VPS13C: variants seen among roughly 807,000 people sequenced by gnomAD.
VPS13C encodes vacuolar protein sorting 13 homolog C.
In VPS13C, 358 loss-of-function variants were observed where a neutral mutation model predicts 456.8. That is an observed-to-expected ratio of 0.78 (90% CI 0.72 to 0.86). The LOEUF is 0.86. Ranked by LOEUF, VPS13C falls within the 40% of genes least tolerant of loss-of-function variation. The pLI, the probability that VPS13C is intolerant of heterozygous loss-of-function variation, is 0.00. For missense variants in VPS13C, 4,818 were observed against 4,385.4 expected, an observed-to-expected ratio of 1.10 and a Z score of -2.79; for synonymous variants, 1,578 against 1,486.7, an observed-to-expected ratio of 1.06 and a Z score of -1.41.
At chr15:62,014,483 T>C (rs553811553) in intron 9 of VPS13C, among the ~76,000 whole-genome samples, 1 of 151,954 alleles carries the variant, frequency 6.6e-6, no homozygotes, top group African/African-American at 2.4e-5. Context: ...TTCAGTGGAG[T>C]AGTAGAGTGA....
intron 57 of VPS13C, among the ~76,000 whole-genome samples, 182 bp downstream of exon 57, chr15:61,919,871 TTTTGTAAAGTTTTC>T (rs1315885632): frequency 6.7e-6 from 1 of 149,498 alleles, no homozygotes; most frequent in Non-Finnish European, 1.5e-5. Flanking sequence ...AATAATCTAG[TTTTGTAAAGTTTTC>T]TTAAATCAAT....
At chr15:61,882,998 C>G (rs1442996072) in intron 68 of VPS13C, among the ~76,000 whole-genome samples, 6 of 151,794 alleles carry the variant, frequency 4.0e-5, no homozygotes, top group Admixed American at 3.3e-4. Flanking sequence ...AGAAAACTTC[C>G]TCAAGTAACG....
intron 1 of VPS13C, among the ~76,000 whole-genome samples, chr15:62,058,599 G>C (rs1342714435): frequency 6.6e-6 from 1 of 152,042 alleles, no homozygotes; most frequent in Non-Finnish European, 1.5e-5. Flanking sequence ...ATATGCATAG[G>C]GTACATACAA....
At chr15:62,014,061 T>C (rs1008545218) in intron 9 of VPS13C, 69 bp from the exon 10 acceptor site, 40 of 1,128,176 alleles carry the variant, frequency 3.5e-5, no homozygotes, top group Middle Eastern at 4.4e-4. Flanking sequence ...AATACTTACA[T>C]AATGTAACAA....
At chr15:61,896,381 T>C (rs1467198257) in intron 66 of VPS13C, among the ~76,000 whole-genome samples, 1 of 151,982 alleles carries the variant, frequency 6.6e-6, no homozygotes, top group Non-Finnish European at 1.5e-5. Context: ...TGGGCACAGG[T>C]CAGTGGGTGC....
intron 35 of VPS13C, 108 bp from the exon 36 acceptor site, chr15:61,959,703 A>C: frequency 2.8e-6 from 3 of 1,083,232 alleles, no homozygotes; most frequent in Non-Finnish European, 3.8e-6. Flanking sequence ...TACTGATCTG[A>C]AACAGTGTGG....
chr15:62,054,207 C>T (rs543875730), intron 1 of VPS13C, among the ~76,000 whole-genome samples: 1 of 152,268 alleles, frequency 6.6e-6, no homozygotes, highest in South Asian at 2.1e-4. Flanking sequence ...TGAAATTTAT[C>T]TATTGGTACC....
chr15:61,901,201 C>T (rs1369322454), intron 66 of VPS13C, among the ~76,000 whole-genome samples: 6 of 151,900 alleles, frequency 3.9e-5, no homozygotes, highest in South Asian at 4.1e-4. Context: ...TAGGCATGGG[C>T]GAGGACTTCA....
chr15:61,950,995 T>C lies in VPS13C; in HGVS notation c.4486A>G (p.Asn1496Asp). 3.1e-6 allele frequency: 5 copies of C among 1,604,046 alleles called. No homozygotes were observed. In the South Asian group the frequency reaches 3.4e-5, roughly 11 times the overall value. ...GGTTCGTCAGTCACATTAGAAGAGT[T>C]AATAATGTGAAGAGGTTCCCCTTTA... ...DSKGEPLHIINSSNVTDEPLL... is the reference protein window; with the variant it reads ...DSKGEPLHIIDSSNVTDEPLL... The change falls in exon 40 of 85, where the codon AAC becomes GAC. Residue 1496 changes from asparagine (N) to aspartate (D), a missense_variant. Physicochemically the swap from Asn to Asp is conservative, Grantham distance 23. Transcript: ENST00000644861.
chr15:61,922,122 T>A, intron 54 of VPS13C, 89 bp from the exon 55 acceptor site: 1 of 1,368,310 alleles, frequency 7.3e-7, no homozygotes, highest in South Asian at 1.2e-5. Flanking sequence ...AAGTAATCAA[T>A]GTTATATATC....
intron 37 of VPS13C, among the ~76,000 whole-genome samples, chr15:61,956,960 A>G (rs2045024132): frequency 6.6e-6 from 1 of 152,098 alleles, no homozygotes; most frequent in Admixed American, 6.6e-5. Context: ...CTACCTATGT[A>G]TCCAAAAAAA....
At chr15:61,859,543 G>GT (rs1000392361) in intron 82 of VPS13C, among the ~76,000 whole-genome samples, 1 of 151,976 alleles carries the variant, frequency 6.6e-6, no homozygotes, top group African/African-American at 2.4e-5. Context: ...CCATACTATT[G>GT]TATGCCTCCA....
At chr15:61,900,241 T>C (rs1334409433) in intron 66 of VPS13C, among the ~76,000 whole-genome samples, 2 of 152,250 alleles carry the variant, frequency 1.3e-5, no homozygotes, top group East Asian at 1.9e-4. Flanking sequence ...CTATTCAACA[T>C]AGTGTTGGAA....
At chr15:62,010,041 A>C (rs2046987442) in intron 13 of VPS13C, among the ~76,000 whole-genome samples, 2 of 151,974 alleles carry the variant, frequency 1.3e-5, no homozygotes, top group Admixed American at 1.3e-4. Flanking sequence ...TACAAAAAAA[A>C]TAGCCAGGAG....
intron 69 of VPS13C, 114 bp from the exon 70 acceptor site, chr15:61,881,942 A>C (rs1391316876): frequency 1.3e-5 from 12 of 896,700 alleles, no homozygotes; most frequent in African/African-American, 1.7e-5. Context: ...GTCTGCGTGT[A>C]TATGCGGTGT....
rs1567133814 is a variant in VPS13C, at chr15:62,035,006, T to C, written c.234A>G (p.Ala78=). The C allele has an allele frequency of 1.2e-6, 2 of 1,604,560 alleles. No homozygotes were observed. The highest frequency in any genetic ancestry group is 1.7e-4 in the Middle Eastern group (1 of 6,030). The change falls in exon 4 of 85, where the codon GCA becomes GCG. Residue 78 remains alanine (A), a synonymous_variant. Coordinates refer to ENST00000644861, the MANE Select transcript of VPS13C (RefSeq NM_020821.3). ...KIPWKNLYGE[A]VVATLEGLYL... Reference sequence around the variant, plus strand: ...ATAATCCTTCCAGGGTCGCAACAACTGCTTCTCCATAAAGGTTCTTCCAAG... The same window carrying C: ...ATAATCCTTCCAGGGTCGCAACAACCGCTTCTCCATAAAGGTTCTTCCAAG...
At chr15:61,947,549 G>A (rs893879701) in intron 42 of VPS13C, among the ~76,000 whole-genome samples, 1 of 151,336 alleles carries the variant, frequency 6.6e-6, no homozygotes, top group Non-Finnish European at 1.5e-5. Flanking sequence ...ATAGCACCTT[G>A]AAAGTGCAAT....
chr15:62,012,269 C>A, intron 11 of VPS13C, 105 bp from the exon 12 acceptor site: 3 of 585,462 alleles, frequency 5.1e-6, no homozygotes, highest in Admixed American at 3.5e-5. Context: ...AAGCTTGGTT[C>A]TTCATCAATA....
intron 1 of VPS13C, 105 bp downstream of exon 1, chr15:62,060,170 G>C (rs2048951148): frequency 1.8e-6 from 1 of 544,134 alleles, no homozygotes. Context: ...GGGATGGGGA[G>C]TCTCAGGCGG....
Sources: gnomAD v4.1 joint callset for allele counts (sites outside exome capture counted in the v4.1 genomes callset) on GRCh38, gnomAD v4.1.1 for gene constraint, MANE v1.5 for transcripts, NCBI Gene and HGNC (gene_info 2026-07-23, HGNC 2026-07-21) for gene names.